The following BABAM2 variants were observed in gnomAD, a reference collection of about 807,000 sequenced individuals.
BABAM2 encodes the protein BRISC and BRCA1-A complex member 2.
A neutral mutation model predicts 54.7 loss-of-function variants in BABAM2; 31 were observed. The observed-to-expected ratio is 0.57, with a 90% CI of 0.43 to 0.77. The LOEUF (loss-of-function observed/expected upper bound fraction) is 0.77, where lower values mean the gene tolerates loss of function less well. BABAM2 is among the 30% of genes least tolerant of loss of function. The pLI, the probability that BABAM2 is intolerant of heterozygous loss-of-function variation, is 0.00. For synonymous variants in BABAM2, 167 were observed against 162.9 expected (o/e 1.03, Z -0.19); for missense variants, 364 against 455.8 (o/e 0.80, Z 1.83).
chr2:28,214,403 T>C (rs1481258054), intron 7 of BABAM2, among the ~76,000 whole-genome samples: 2 of 152,198 alleles, frequency 1.3e-5, no homozygotes, highest in Non-Finnish European at 2.9e-5. Context: ...TGGTATATAG[T>C]AATACGATTA....
rs192654593 is a variant in BABAM2 at position 28,090,533 on chromosome 2, C to T, written c.571-38738C>T. Reference sequence around the variant, plus strand: ...CTGGGATTACAGGTGTGAGCCACTGCACCCAGCAGTTTCTAGCTGTTGTTT... The same window carrying T: ...CTGGGATTACAGGTGTGAGCCACTGTACCCAGCAGTTTCTAGCTGTTGTTT... On this transcript the variant is annotated intron_variant, in intron 6 of 11. Transcript: ENST00000379624. Among the ~76,000 whole-genome samples the T allele has an allele frequency of 1.2e-3, 178 of 152,284 alleles. 2 individuals are homozygous for T. The highest frequency in any genetic ancestry group is 3.7e-3 in the African/African-American group (154 of 41,574).
intron 7 of BABAM2, among the ~76,000 whole-genome samples, chr2:28,196,188 A>G (rs113484449): frequency 0.22 from 33,763 of 151,548 alleles, 4,714 homozygotes; most frequent in Non-Finnish European, 0.32. Flanking sequence ...TTAGCTGGGC[A>G]TGGTGGCGGG....
intron 5 of BABAM2, among the ~76,000 whole-genome samples, chr2:28,034,224 G>C (rs1320147700): frequency 6.6e-6 from 1 of 152,196 alleles, no homozygotes; most frequent in Non-Finnish European, 1.5e-5. Flanking sequence ...GTTGGAGAGG[G>C]AGAGTGATCT....
At chr2:28,121,146 A>T (rs1309137463) in intron 6 of BABAM2, among the ~76,000 whole-genome samples, 1 of 152,222 alleles carries the variant, frequency 6.6e-6, no homozygotes, top group Admixed American at 6.5e-5. Context: ...TGGAACCCCC[A>T]ATCCAGTGCT....
chr2:28,076,209 G>A lies in BABAM2; in HGVS notation c.570+30410G>A, dbSNP rs181753104. On this transcript the variant is annotated intron_variant, in intron 6 of 11. Transcript: ENST00000379624. ...GGATCGCTTGAGCCTGGGAGGTCAA[G>A]GCTGCAGTGAGCTGTGATGGCACCA... Among the ~76,000 whole-genome samples the A allele has an allele frequency of 5.9e-5, 9 of 152,214 alleles. No individual in the cohort carries two copies. In the East Asian group the frequency reaches 1.7e-3, roughly 29 times the overall value.
chr2:28,116,023 G>T (rs552656608), intron 6 of BABAM2, among the ~76,000 whole-genome samples: 1 of 151,988 alleles, frequency 6.6e-6, no homozygotes, highest in East Asian at 1.9e-4. Flanking sequence ...GCTGAGGCAG[G>T]AGAATCGCTT....
intron 3 of BABAM2, among the ~76,000 whole-genome samples, chr2:27,935,787 G>A (rs1011052907): frequency 6.6e-6 from 1 of 152,234 alleles, no homozygotes; most frequent in African/African-American, 2.4e-5. Context: ...AACTACCACT[G>A]TAATCAGTCA....
At chr2:28,016,470 C>T in intron 4 of BABAM2, 2 of 1,219,586 alleles carry the variant, frequency 1.6e-6, no homozygotes, top group Non-Finnish European at 2.4e-6. Flanking sequence ...ACCCATTTGT[C>T]CCACTTGCCC....
intron 7 of BABAM2, among the ~76,000 whole-genome samples, chr2:28,140,051 T>C (rs1670907978): frequency 6.6e-6 from 1 of 151,960 alleles, no homozygotes; most frequent in Admixed American, 6.6e-5. Context: ...AAATGATCAC[T>C]CATCAGCTTT....
At chr2:28,225,390 G>T (rs556973870) in intron 7 of BABAM2, among the ~76,000 whole-genome samples, 118 of 152,330 alleles carry the variant, frequency 7.7e-4, no homozygotes, top group Non-Finnish European at 1.5e-3. Context: ...TCCAGAGGAG[G>T]AAGCATCAGA....
At chr2:28,272,734 C>T (rs1685523260) in intron 10 of BABAM2, among the ~76,000 whole-genome samples, 1 of 152,180 alleles carries the variant, frequency 6.6e-6, no homozygotes, top group East Asian at 1.9e-4. Flanking sequence ...TGCTCATTGC[C>T]TGGCAGGGAA....
intron 3 of BABAM2, among the ~76,000 whole-genome samples, chr2:27,979,049 A>G (rs1382344184): frequency 1.5e-5 from 2 of 130,688 alleles, no homozygotes; most frequent in African/African-American, 2.9e-5. Context: ...TTTTTTTGAG[A>G]TGGAGTCTTA....
intron 10 of BABAM2, among the ~76,000 whole-genome samples, chr2:28,246,772 C>G (rs1317669304): frequency 6.6e-6 from 1 of 152,176 alleles, no homozygotes. Flanking sequence ...TTTCCACATG[C>G]AACTCAAAGA....
Position 28,298,452 on chromosome 2 carries a change from G to T in BABAM2, c.1049G>T (p.Ser350Ile). ...YSQAQKNYPY[S>I]PRWDGNEMAK... is the part of the protein sequence containing the mutation. ...CAGGCCCAAAAAAATTATCCGTACA[G>T]CCCCAGATGGGATGGAAATGAAATG... is the stretch of plus-strand genomic sequence containing the variant. Residue 350 changes from serine to isoleucine, a missense_variant, in exon 11 of 12, where the codon AGC (serine) becomes ATC (isoleucine). By Grantham distance (142) the Ser-to-Ile change is moderately radical. Coordinates refer to ENST00000379624, the MANE Select transcript of BABAM2 (RefSeq NM_199191.3). The T allele has an allele frequency of 1.2e-6, 2 of 1,614,154 alleles. No homozygotes were observed. The highest frequency in any genetic ancestry group is 1.7e-6 in the Non-Finnish European group (2 of 1,180,008).
At chr2:28,143,692 G>A (rs1573673640) in intron 7 of BABAM2, among the ~76,000 whole-genome samples, 1 of 152,266 alleles carries the variant, frequency 6.6e-6, no homozygotes, top group Non-Finnish European at 1.5e-5. Context: ...ATATATGTAT[G>A]TGGATACTGA....
intron 6 of BABAM2, among the ~76,000 whole-genome samples, chr2:28,097,114 AGATGGGTAATTGACT>A (rs1442557047): frequency 6.6e-6 from 1 of 152,122 alleles, no homozygotes; most frequent in Non-Finnish European, 1.5e-5. Flanking sequence ...GCAGAAAGAG[AGATGGGTAATTGACT>A]GAGGACATGA....
chr2:28,282,997 C>CCAA (rs1553357851), intron 10 of BABAM2, among the ~76,000 whole-genome samples: 1 of 71,940 alleles, frequency 1.4e-5, no homozygotes. Flanking sequence ...GACTCCGTCC[C>CCAA]AAAAAAAAAA....
At chr2:27,902,905 TTGTGTG>T (rs57389847) in intron 2 of BABAM2, among the ~76,000 whole-genome samples, 3 of 147,778 alleles carry the variant, frequency 2.0e-5, no homozygotes, top group African/African-American at 7.5e-5. Flanking sequence ...GTGTGTGTGT[TTGTGTG>T]TGTGTGTGTG....
At chr2:28,110,632 AT>A in intron 6 of BABAM2, among the ~76,000 whole-genome samples, 1 of 152,220 alleles carries the variant, frequency 6.6e-6, no homozygotes, top group East Asian at 1.9e-4. Context: ...TCAAAAAAAA[AT>A]AAATAAATAA....
Sources: gnomAD v4.1 joint callset for allele counts (sites outside exome capture counted in the v4.1 genomes callset) on GRCh38, gnomAD v4.1.1 for gene constraint, MANE v1.5 for transcripts, NCBI Gene and HGNC (gene_info 2026-07-23, HGNC 2026-07-21) for gene names.